The following PRUNE2 variants were observed in gnomAD, a reference collection of about 807,000 sequenced individuals.
The protein encoded by PRUNE2 is prune homolog 2 with BCH domain, also known as protein prune homolog 2.
PRUNE2 carries 164 observed loss-of-function variants against 252.0 expected under a neutral mutation model. The observed-to-expected ratio is 0.65, with a 90% CI of 0.57 to 0.74. The LOEUF is 0.74. Ranked by LOEUF, PRUNE2 falls within the 30% of genes least tolerant of loss-of-function variation. PRUNE2 has a pLI of 0.00. For missense variants in PRUNE2, 3,495 were observed against 3,711.0 expected (o/e 0.94, Z 1.51); for synonymous variants, 1,292 against 1,350.2 (o/e 0.96, Z 0.94).
At chr9:76,885,646 T>A (rs1350300382) in intron 1 of PRUNE2, among the ~76,000 whole-genome samples, 1 of 152,134 alleles carries the variant, frequency 6.6e-6, no homozygotes, top group African/African-American at 2.4e-5. Context: ...GCTGACTGTG[T>A]CAAAGGGCAG....
At chr9:76,615,326 C>A (rs700800) in intron 18 of PRUNE2, 665,100 of 757,978 alleles carry the variant, frequency 0.88, 293,890 homozygotes, top group Non-Finnish European at 0.9. Context: ...TATTAGTTTG[C>A]AAAGGGTGAT....
At chr9:76,880,256 A>G (rs73462358) in intron 1 of PRUNE2, among the ~76,000 whole-genome samples, 3,031 of 152,238 alleles carry the variant, frequency 0.02, 101 homozygotes, top group African/African-American at 0.07. Context: ...TTAAGTACAC[A>G]TAATTCACAA....
chr9:76,675,105 A>C (rs930090172), intron 9 of PRUNE2, among the ~76,000 whole-genome samples: 25 of 97,564 alleles, frequency 2.6e-4, no homozygotes, highest in South Asian at 1.5e-3. Context: ...AGCAAAAGAA[A>C]CTACCATCAG....
rs561849644 is a variant in PRUNE2, at chr9:76,611,386, A to G, written c.*3184T>C. 1.3e-5 allele frequency: 2 copies of G among 152,310 alleles called. No homozygotes were observed. The highest frequency in any genetic ancestry group is 4.8e-5 in the African/African-American group (2 of 41,578). The allele number at this position is 152,310 out of a possible 1,614,324, so 9.4% of individuals were successfully genotyped here. A position where few individuals can be genotyped will look rare whatever the true frequency, so the allele number is the denominator to read the frequency against. On this transcript the variant is annotated 3_prime_UTR_variant, in exon 19 of 19. Coordinates refer to ENST00000376718, the MANE Select transcript of PRUNE2 (RefSeq NM_015225.3). ...AAGAAAACCATCACATGCAGAATCA[A>G]TTTTTATTTCTGAATTATACAGTGA...
At chr9:76,848,114 A>C (rs1172945531) in intron 3 of PRUNE2, among the ~76,000 whole-genome samples, 2 of 152,164 alleles carry the variant, frequency 1.3e-5, no homozygotes, top group Non-Finnish European at 2.9e-5. Context: ...AAATACAAAA[A>C]TTAGCTGGGT....
intron 6 of PRUNE2, among the ~76,000 whole-genome samples, chr9:76,781,477 C>G (rs1270110329): frequency 6.6e-6 from 1 of 152,202 alleles, no homozygotes; most frequent in African/African-American, 2.4e-5. Context: ...ATGCTCTTAC[C>G]CCTAGTCCTT....
chr9:76,727,452 ACATCTTTC>A (rs1462546965), intron 6 of PRUNE2, among the ~76,000 whole-genome samples: 2 of 152,202 alleles, frequency 1.3e-5, no homozygotes, highest in Admixed American at 1.3e-4. Context: ...AGTAAAAATA[ACATCTTTC>A]CATCAATTGT....
rs148528103 is a variant in PRUNE2 at position 76,881,812 on chromosome 9, G to A, written c.36+24116C>T. Reference sequence around the variant, plus strand: ...ATTTTTTTGTATTTTTAGTAGAGACGAGGTTTCACTACATCGGCCAGGCTG... The same window carrying A: ...ATTTTTTTGTATTTTTAGTAGAGACAAGGTTTCACTACATCGGCCAGGCTG... On this transcript the variant is annotated intron_variant, in intron 1 of 18. Coordinates refer to ENST00000376718, the MANE Select transcript of PRUNE2 (RefSeq NM_015225.3). 5.5e-3 allele frequency among the ~76,000 whole-genome samples: 839 copies of A among 151,746 alleles called. 7 individuals are homozygous for A. Among genetic ancestry groups the A allele is most frequent in the Non-Finnish European group, 9.0e-3 (611 of 67,874 alleles).
intron 6 of PRUNE2, among the ~76,000 whole-genome samples, chr9:76,751,587 C>A (rs914248075): frequency 2.3e-4 from 35 of 152,112 alleles, no homozygotes; most frequent in African/African-American, 8.5e-4. Flanking sequence ...AAATTTGTAT[C>A]TTCGTGGGAA....
intron 1 of PRUNE2, among the ~76,000 whole-genome samples, chr9:76,860,844 G>A (rs1011166175): frequency 2.0e-5 from 3 of 152,060 alleles, no homozygotes; most frequent in African/African-American, 7.2e-5. Context: ...GAAAGAAGGT[G>A]GCCTTTGAAC....
At chr9:76,778,122 C>T (rs2131127294) in intron 6 of PRUNE2, among the ~76,000 whole-genome samples, 1 of 152,276 alleles carries the variant, frequency 6.6e-6, no homozygotes, top group African/African-American at 2.4e-5. Context: ...GGGTCCCAGC[C>T]TAGAGTGATT....
intron 1 of PRUNE2, among the ~76,000 whole-genome samples, chr9:76,875,541 T>C (rs1254155530): frequency 1.3e-5 from 2 of 152,100 alleles, no homozygotes; most frequent in East Asian, 3.9e-4. Flanking sequence ...AATTTTTGTA[T>C]TTTTAGTAGA....
intron 4 of PRUNE2, among the ~76,000 whole-genome samples, chr9:76,840,435 G>T (rs1425555375): frequency 6.6e-6 from 1 of 152,152 alleles, no homozygotes; most frequent in African/African-American, 2.4e-5. Flanking sequence ...TACAGCCACG[G>T]GGATGAAAAG....
intron 6 of PRUNE2, among the ~76,000 whole-genome samples, chr9:76,730,800 G>A (rs2048495757): frequency 6.6e-6 from 1 of 152,194 alleles, no homozygotes; most frequent in African/African-American, 2.4e-5. Flanking sequence ...CTATTCGGGA[G>A]GCTGAGGCAG....
At position 76,713,644 on chromosome 9, in the gene PRUNE2, C is replaced by G; in HGVS notation, c.834G>C (p.Leu278=). The G allele has an allele frequency of 6.2e-7, 1 of 1,601,668 alleles. No individual in the cohort carries two copies. The highest frequency in any genetic ancestry group is 8.5e-7 in the Non-Finnish European group (1 of 1,173,916). ...GCTCCTCTGACAGATAGCTGGAGAA[C>G]AGGATGAGGACATCAAAACCAAACT... ...TDKFGFDVLI[L]FSSYLSEEQQ... Residue 278 remains leucine, a synonymous_variant, in exon 7 of 19, where the codon CTG becomes CTC. Coordinates refer to ENST00000376718, the MANE Select transcript of PRUNE2 (RefSeq NM_015225.3).
intron 1 of PRUNE2, among the ~76,000 whole-genome samples, chr9:76,894,640 T>C (rs1412189076): frequency 2.0e-5 from 3 of 151,872 alleles, no homozygotes; most frequent in African/African-American, 7.3e-5. Flanking sequence ...GATGATCTTC[T>C]GCCTCTGCTG....
At chr9:76,865,730 T>C (rs1377224926) in intron 1 of PRUNE2, among the ~76,000 whole-genome samples, 1 of 152,046 alleles carries the variant, frequency 6.6e-6, no homozygotes, top group Non-Finnish European at 1.5e-5. Context: ...AGTTATACTA[T>C]AGGCTGCAAA....
At chr9:76,898,059 G>A (rs1442318959) in intron 1 of PRUNE2, among the ~76,000 whole-genome samples, 1 of 152,184 alleles carries the variant, frequency 6.6e-6, no homozygotes, top group Admixed American at 6.5e-5. Flanking sequence ...ATGAAACTGA[G>A]ACCCGGGGAG....
intron 1 of PRUNE2, among the ~76,000 whole-genome samples, chr9:76,886,172 G>A (rs575150030): frequency 9.7e-4 from 145 of 149,996 alleles, no homozygotes; most frequent in African/African-American, 3.2e-3. Flanking sequence ...GCGACAGAGC[G>A]AGACTCCGTC....
Sources: gnomAD v4.1 joint callset for allele counts (sites outside exome capture counted in the v4.1 genomes callset) on GRCh38, gnomAD v4.1.1 for gene constraint, MANE v1.5 for transcripts, NCBI Gene and HGNC (gene_info 2026-07-23, HGNC 2026-07-21) for gene names.